The following NIT2 variants were observed in gnomAD, a reference collection of about 807,000 sequenced individuals.
NIT2 encodes nitrilase family member 2, also known as omega-amidase NIT2.
Under a neutral mutation model 42.7 loss-of-function variants are expected in NIT2, and 46 were observed. The observed-to-expected ratio is 1.08, with a 90% confidence interval of 0.85 to 1.38. The LOEUF (loss-of-function observed/expected upper bound fraction) is 1.38, where lower values mean the gene tolerates loss of function less well. Ranked by LOEUF, NIT2 falls within the 40% of genes most tolerant of loss-of-function variation. The pLI, the probability that NIT2 is intolerant of heterozygous loss-of-function variation, is 0.00. For synonymous variants in NIT2, 123 were observed against 121.9 expected (o/e 1.01, Z -0.06); for missense variants, 309 against 342.5 (o/e 0.90, Z 0.77).
chr3:100,351,422 G>C (rs1706272449), intron 7 of NIT2, among the ~76,000 whole-genome samples: 1 of 152,030 alleles, frequency 6.6e-6, no homozygotes, highest in Admixed American at 6.6e-5. Flanking sequence ...TAGATCAATG[G>C]AACAGAACAG....
rs578261993 is a variant in NIT2, at chr3:100,341,247, T to C, written c.336+86T>C. 3.0e-4 allele frequency: 256 copies of C among 859,800 alleles called. 4 individuals carry two copies. The South Asian group carries it at 3.4e-3, about 11-fold the overall frequency. 53.3% of individuals were successfully genotyped at this position (859,800 alleles called of 1,614,324 possible). On this transcript the variant is annotated intron_variant, in intron 4 of 9. Transcript: ENST00000394140. ...AAAAATTTGCTATGAAGTTCCCTAGTCCCTCTCATTATATCACACATGTAT... is the reference window on the plus strand; with the variant it reads ...AAAAATTTGCTATGAAGTTCCCTAGCCCCTCTCATTATATCACACATGTAT...
chr3:100,355,302 G>A lies in NIT2; in HGVS notation c.*34G>A, dbSNP rs74542070. ...TTTCTAATGTGTCACAGAATAGGACGATATGATTCTACAACATAATCAACT... is the reference window on the plus strand; with the variant it reads ...TTTCTAATGTGTCACAGAATAGGACAATATGATTCTACAACATAATCAACT... On this transcript the variant is annotated 3_prime_UTR_variant, in exon 10 of 10. Transcript: ENST00000394140. The A allele has an allele frequency of 1.2e-3, 1,755 of 1,466,564 alleles. 17 individuals carry two copies. In the African/African-American group the frequency reaches 0.021, roughly 18 times the overall value. 90.8% of individuals were successfully genotyped at this position (1,466,564 alleles called of 1,614,324 possible).
chr3:100,349,106 T>TA, intron 7 of NIT2: 1 of 391,612 alleles, frequency 2.6e-6, no homozygotes. Flanking sequence ...TTGGAAACTG[T>TA]ACTTTTTTTT....
intron 7 of NIT2, among the ~76,000 whole-genome samples, chr3:100,351,385 C>T (rs1706270780): frequency 1.3e-5 from 2 of 152,170 alleles, no homozygotes; most frequent in South Asian, 2.1e-4. Context: ...ATCAAAACAG[C>T]ATGGTACTGG....
rs1289742387 is a variant in NIT2, at chr3:100,339,212, A to T, written c.126+7A>T. The T allele has an allele frequency of 6.4e-7, 1 of 1,564,960 alleles. No homozygotes were observed. On this transcript the variant is annotated splice_region_variant and intron_variant, in intron 2 of 9. Transcript: ENST00000394140. ...CAAAATAGTTTCTTTGCCGGTCAGT[A>T]TGGGAGCAGCCATTCTGTTCTAGCC...
intron 7 of NIT2, among the ~76,000 whole-genome samples, chr3:100,350,379 T>G (rs1706261105): frequency 6.6e-6 from 1 of 152,182 alleles, no homozygotes; most frequent in South Asian, 2.1e-4. Context: ...TTGTTCTATT[T>G]GAGGTGGTGG....
intron 3 of NIT2, 28 bp downstream of exon 3, chr3:100,339,963 A>C (rs778474365): frequency 1.3e-6 from 2 of 1,595,006 alleles, no homozygotes; most frequent in South Asian, 2.3e-5. Context: ...AGGTATAATG[A>C]CCTAAACATT....
At chr3:100,336,702 C>T (rs1278226154) in intron 1 of NIT2, among the ~76,000 whole-genome samples, 1 of 152,238 alleles carries the variant, frequency 6.6e-6, no homozygotes, top group African/African-American at 2.4e-5. Flanking sequence ...GTCCCCCTTC[C>T]AGCCCTAAGG....
At chr3:100,350,807 TA>T (rs2148884221) in intron 7 of NIT2, among the ~76,000 whole-genome samples, 1 of 152,248 alleles carries the variant, frequency 6.6e-6, no homozygotes, top group African/African-American at 2.4e-5. Flanking sequence ...CTGCACCCAT[TA>T]ACTCGTCATT....
In NIT2 at chr3:100,361,038, CTA is replaced by C. The variant is rs1706379487; in HGVS notation, c.*5772_*5773del. The C allele has an allele frequency of 6.5e-6, 1 of 152,856 alleles. No individual in the cohort carries two copies. The allele number at this position is 152,856 out of a possible 1,614,324, so 9.5% of individuals were successfully genotyped here. A position where few individuals can be genotyped will look rare whatever the true frequency, so the allele number is the denominator to read the frequency against. On this transcript the variant is annotated 3_prime_UTR_variant, in exon 10 of 10. Transcript: ENST00000394140. The stretch of plus-strand genomic sequence containing the variant: ...CTGTGGCTCAAACTCATGTTGCTTG[CTA>C]TGTTCTAAATAATTAAGTCTGTTGT...
intron 1 of NIT2, among the ~76,000 whole-genome samples, chr3:100,335,721 A>G (rs1706061920): frequency 6.6e-6 from 1 of 152,244 alleles, no homozygotes; most frequent in Non-Finnish European, 1.5e-5. Context: ...AAGCACAGAC[A>G]TGGCCCGGCA....
At chr3:100,334,982 G>A in intron 1 of NIT2, 184 bp downstream of exon 1, 2 of 587,628 alleles carry the variant, frequency 3.4e-6, no homozygotes, top group Non-Finnish European at 5.5e-6. Context: ...GCGCACTCCC[G>A]GGATTCCAGG....
intron 8 of NIT2, 57 bp downstream of exon 8, chr3:100,352,559 C>A: frequency 7.3e-7 from 1 of 1,361,264 alleles, no homozygotes; most frequent in South Asian, 1.2e-5. Context: ...AGTGGTGGCT[C>A]GTTGGCAGAT....
Position 100,357,498 on chromosome 3 carries a change from C to T in NIT2, c.*2230C>T, listed in dbSNP as rs985966307. On this transcript the variant is annotated 3_prime_UTR_variant, in exon 10 of 10. Transcript: ENST00000394140. ...TATTCCCCAAAAAACTTCATTTCCT[C>T]TAAAGAGCTGCTCAGAAGTTTGAAA... The T allele has an allele frequency of 1.3e-5, 2 of 152,100 alleles. No individual in the cohort carries two copies. The highest frequency in any genetic ancestry group is 1.5e-5 in the Non-Finnish European group (1 of 68,022). The allele number at this position is 152,100 out of a possible 1,614,324, so 9.4% of individuals were successfully genotyped here.
rs550507117 is a variant in NIT2 at position 100,355,685 on chromosome 3, TC to T, written c.*419del. 293 of 158,576 alleles carry T rather than the reference TC, an allele frequency of 1.8e-3. 1 individual carries two copies. Among genetic ancestry groups the T allele is most frequent in the African/African-American group, 6.6e-3 (275 of 41,684 alleles). The allele number at this position is 158,576 out of a possible 1,614,324, so 9.8% of individuals were successfully genotyped here. A position where few individuals can be genotyped will look rare whatever the true frequency, so the allele number is the denominator to read the frequency against. On this transcript the variant is annotated 3_prime_UTR_variant, in exon 10 of 10. Coordinates refer to ENST00000394140, the MANE Select transcript of NIT2 (RefSeq NM_020202.5). The stretch of plus-strand genomic sequence containing the variant: ...TCTTTTCCAAGCAGTACCTTGAAGT[TC>T]CATTTTTGGTTCATGAGTAGCTATA...
chr3:100,334,875 G>C (rs1706049323), intron 1 of NIT2, 77 bp downstream of exon 1: 2 of 1,213,634 alleles, frequency 1.6e-6, no homozygotes, highest in Non-Finnish European at 2.1e-6. Flanking sequence ...GCGGTGGCTC[G>C]GCCGGCTCAG....
intron 9 of NIT2, 34 bp downstream of exon 9, chr3:100,354,861 A>T (rs1412734799): frequency 6.3e-7 from 1 of 1,576,862 alleles, no homozygotes; most frequent in South Asian, 1.1e-5. Flanking sequence ...TAGGTCTCTG[A>T]TGTCCCCATT....
In NIT2 at chr3:100,340,026, G is replaced by A. The variant is rs1706131334; in HGVS notation, c.247+91G>A. On this transcript the variant is annotated intron_variant, in intron 3 of 9. Coordinates refer to ENST00000394140, the MANE Select transcript of NIT2 (RefSeq NM_020202.5). ...TGGCGTGCGCCTGTATTCCCTACTT[G>A]GGAAGCTTCAGCTTGGGAAGCTGAA... is the stretch of plus-strand genomic sequence containing the variant. 4.5e-6 allele frequency: 5 copies of A among 1,103,442 alleles called. No individual in the cohort carries two copies. The East Asian group carries it at 1.3e-4, about 30-fold the overall frequency. 68.4% of individuals were successfully genotyped at this position (1,103,442 alleles called of 1,614,324 possible).
intron 6 of NIT2, among the ~76,000 whole-genome samples, chr3:100,347,527 T>A (rs1331111290): frequency 6.6e-6 from 1 of 152,204 alleles, no homozygotes; most frequent in East Asian, 1.9e-4. Flanking sequence ...TCTCCTGGAC[T>A]CAAGTGATCC....
Sources: allele counts gnomAD v4.1 joint callset (sites outside exome capture counted in the v4.1 genomes callset), GRCh38; gene constraint gnomAD v4.1.1; transcripts MANE v1.5; gene names NCBI Gene and HGNC (gene_info 2026-07-23, HGNC 2026-07-21).